RABL2B: variants seen among roughly 807,000 people sequenced by gnomAD.
The protein encoded by RABL2B is RAB, member of RAS oncogene family like 2B.
In RABL2B, 17 loss-of-function variants were observed where a neutral mutation model predicts 26.7. The observed-to-expected ratio is 0.64, with a 90% CI of 0.44 to 0.95. The LOEUF is 0.95. Ranked by LOEUF, RABL2B falls within the 40% of genes least tolerant of loss-of-function variation. The pLI is 0.00. For synonymous variants in RABL2B, 70 were observed against 103.9 expected (o/e 0.67, Z 1.99); for missense variants, 170 against 277.2 (o/e 0.61, Z 2.75).
In RABL2B at chr22:50,777,949, TACAA is replaced by T. The variant is rs782635987; in HGVS notation, c.136_137+2del. The T allele has an allele frequency of 1.3e-5, 21 of 1,614,048 alleles. No homozygotes were observed. The Admixed American group carries it at 3.3e-4, about 26-fold the overall frequency. On this transcript the variant is annotated splice_donor_variant and coding_sequence_variant, in exon 3 of 9. Transcript: ENST00000691320. LOFTEE classifies it high-confidence loss of function. ...AAGGGGTACTTCAAACCTTGAAGGA[TACAA>T]GCCATCCATGAGAAATCTCTCCATG...
In RABL2B at chr22:50,767,530, A is replaced by G. The variant is rs114694975; in HGVS notation, c.*1246T>C. Reference sequence around the variant, plus strand: ...GTTTATGTAATTCAGCCTTTACTGTAAAAAAGGAAACAACAAAAACAAAAC... The same window carrying G: ...GTTTATGTAATTCAGCCTTTACTGTGAAAAAGGAAACAACAAAAACAAAAC... On this transcript the variant is annotated 3_prime_UTR_variant, in exon 9 of 9. Coordinates refer to ENST00000691320, the MANE Select transcript of RABL2B (RefSeq NM_001130919.3). 2,011 of 335,906 alleles carry G rather than the reference A, an allele frequency of 6.0e-3. 41 individuals carry two copies. Among genetic ancestry groups the G allele is most frequent in the African/African-American group, 0.042 (1,882 of 45,266 alleles). The allele number at this position is 335,906 out of a possible 1,614,324, so 20.8% of individuals were successfully genotyped here.
At chr22:50,778,548 T>C (rs1555926153) in intron 2 of RABL2B, among the ~76,000 whole-genome samples, 1 of 152,164 alleles carries the variant, frequency 6.6e-6, no homozygotes, top group African/African-American at 2.4e-5. Context: ...ATGTGGTCAG[T>C]TATCCCGTGA....
chr22:50,774,570 A>G (rs1385881545), intron 5 of RABL2B, among the ~76,000 whole-genome samples: 3 of 148,204 alleles, frequency 2.0e-5, no homozygotes, highest in African/African-American at 7.7e-5. Context: ...GAGTCTTCTT[A>G]GCTGAGACTT....
Position 50,770,238 on chromosome 22 carries a change from C to T in RABL2B, c.298-222G>A, listed in dbSNP as rs1214833119. The T allele has an allele frequency of 7.4e-6, 4 of 540,088 alleles. No individual in the cohort carries two copies. The East Asian group carries it at 1.6e-4, about 22-fold the overall frequency. 33.5% of individuals were successfully genotyped at this position (540,088 alleles called of 1,614,324 possible). On this transcript the variant is annotated intron_variant, in intron 5 of 8. Transcript: ENST00000691320. ...GTTTTTAAAAATCTTATTCTTGGCC[C>T]AGTGCAGTGGCTCACACCTGTAATC...
Position 50,777,935 on chromosome 22 carries a change from C to T in RABL2B, c.137+17G>A, listed in dbSNP as rs1265428245. ...AGACCCACAGGAACAAGGGGTACTT[C>T]AAACCTTGAAGGATACAAGCCATCC... On this transcript the variant is annotated intron_variant, in intron 3 of 8. Transcript: ENST00000691320. The T allele has an allele frequency of 6.2e-7, 1 of 1,614,188 alleles. No homozygotes were observed. Among genetic ancestry groups the T allele is most frequent in the African/African-American group, 1.3e-5 (1 of 75,038 alleles).
intron 1 of RABL2B, 74 bp downstream of exon 1, chr22:50,783,427 C>G (rs1336762609): frequency 6.6e-6 from 1 of 152,236 alleles, no homozygotes; most frequent in Non-Finnish European, 1.5e-5. Context: ...GCCCTCTCGC[C>G]CACACCGCTA....
At position 50,769,917 on chromosome 22, in the gene RABL2B, T is replaced by C. The variant is rs1555917044; in HGVS notation, c.397A>G (p.Asn133Asp). 6.2e-7 allele frequency: 1 copy of C among 1,613,458 alleles called. No homozygotes were observed. The highest frequency in any genetic ancestry group is 1.7e-5 in the Admixed American group (1 of 59,952). ...GGGATGGCCCCACCATCAATTTTAT[T>C]GGCCACCACGATGCATGGGATCTCT... ...RPEIPCIVVA[N>D]KIDADINVTQ... Residue 133 changes from asparagine (N) to aspartate (D), a missense_variant, in exon 6 of 9, where the codon AAT becomes GAT. Around this residue, in one of 2 missense-constraint regions of RABL2B, gnomAD observed 165 missense variants for 232.0 expected, o/e 0.71. Coordinates refer to ENST00000691320, the MANE Select transcript of RABL2B (RefSeq NM_001130919.3).
Position 50,776,737 on chromosome 22 carries a change from C to T in RABL2B, c.150G>A (p.Gln50=). Residue 50 remains glutamine, a synonymous_variant, in exon 4 of 9, where the codon CAG becomes CAA. Transcript: ENST00000691320. ...ACAGGGTCAGGGCGTACGTGGACAG[C>T]TGCTGTGGCTGACTGCACTCAGGTT... ...RFLMDGFQPQ[Q]LSTYALTLYK... 1.2e-6 allele frequency: 2 copies of T among 1,609,738 alleles called. No individual in the cohort carries two copies. The highest frequency in any genetic ancestry group is 2.2e-5 in the East Asian group (1 of 44,698).
intron 5 of RABL2B, among the ~76,000 whole-genome samples, chr22:50,770,849 C>G (rs1276559254): frequency 1.3e-5 from 2 of 150,726 alleles, no homozygotes; most frequent in South Asian, 2.1e-4. Context: ...CTCCTGGGCT[C>G]AAGGAATCCT....
intron 5 of RABL2B, chr22:50,772,805 T>G: frequency 8.7e-7 from 1 of 1,145,704 alleles, no homozygotes; most frequent in Non-Finnish European, 1.1e-6. Context: ...ATGCCTTTTG[T>G]CCAGGTCTGG....
chr22:50,774,377 C>T (rs531495391), intron 5 of RABL2B, among the ~76,000 whole-genome samples: 3 of 151,266 alleles, frequency 2.0e-5, no homozygotes, highest in African/African-American at 4.9e-5. Context: ...TAAGTCCCAC[C>T]GGGTTCTCTT....
chr22:50,779,787 C>T (rs1555927122), intron 2 of RABL2B, among the ~76,000 whole-genome samples: 1 of 152,036 alleles, frequency 6.6e-6, no homozygotes, highest in African/African-American at 2.4e-5. Context: ...AATTCCAGAC[C>T]AACCTGGCCA....
intron 4 of RABL2B, 66 bp from the exon 5 acceptor site, chr22:50,775,917 C>T (rs1485544514): frequency 6.2e-7 from 1 of 1,607,946 alleles, no homozygotes; most frequent in Non-Finnish European, 8.5e-7. Context: ...TAAGATACAA[C>T]ACACATGCGG....
At chr22:50,782,389 T>C in intron 1 of RABL2B, 42 bp from the exon 2 acceptor site, 1 of 1,449,320 alleles carries the variant, frequency 6.9e-7, no homozygotes, top group South Asian at 1.3e-5. Flanking sequence ...CAGAGATAAG[T>C]CCCCTCAACC....
intron 5 of RABL2B, among the ~76,000 whole-genome samples, chr22:50,770,891 A>G (rs1187087764): frequency 2.8e-4 from 39 of 140,102 alleles, no homozygotes; most frequent in African/African-American, 9.6e-4. Context: ...GCACGCACGC[A>G]TTAATTTTTA....
Position 50,767,690 on chromosome 22 carries a change from C to T in RABL2B, c.*1086G>A, listed in dbSNP as rs1465971087. ...GCAGTCCTCAGCCTCCCACAGGAGG[C>T]ACAAGGTCCAAACTATTCCTCAAAA... is the stretch of plus-strand genomic sequence containing the variant. On this transcript the variant is annotated 3_prime_UTR_variant, in exon 9 of 9. Transcript: ENST00000691320. 2.2e-6 allele frequency: 1 copy of T among 450,186 alleles called. No homozygotes were observed. Among genetic ancestry groups the T allele is most frequent in the Non-Finnish European group, 4.5e-6 (1 of 224,284 alleles). 27.9% of individuals were successfully genotyped at this position (450,186 alleles called of 1,614,324 possible). A position where few individuals can be genotyped will look rare whatever the true frequency, so the allele number is the denominator to read the frequency against.
Position 50,767,812 on chromosome 22 carries a change from A to G in RABL2B, c.*964T>C, listed in dbSNP as rs534081864. 6.7e-6 allele frequency: 3 copies of G among 448,900 alleles called. No homozygotes were observed. The highest frequency in any genetic ancestry group is 6.0e-5 in the African/African-American group (3 of 49,598). The allele number at this position is 448,900 out of a possible 1,614,324, so 27.8% of individuals were successfully genotyped here. A position where few individuals can be genotyped will look rare whatever the true frequency, so the allele number is the denominator to read the frequency against. On this transcript the variant is annotated 3_prime_UTR_variant, in exon 9 of 9. Transcript: ENST00000691320. ...CTTGTGGTATGGCTGTAAGGACTCG[A>G]TTTTACGGCTTGTGTATTCCTAACT...
At chr22:50,774,926 C>T (rs1447611253) in intron 5 of RABL2B, among the ~76,000 whole-genome samples, 8 of 151,984 alleles carry the variant, frequency 5.3e-5, no homozygotes, top group Admixed American at 1.3e-4. Flanking sequence ...TACAGGCACC[C>T]GCCACCATGC....
At chr22:50,772,854 G>A in intron 5 of RABL2B, 1 of 1,184,386 alleles carries the variant, frequency 8.4e-7, no homozygotes, top group African/African-American at 1.6e-5. Context: ...GAGCTGAGGA[G>A]GAGCTGGCTA....
Sources: allele counts gnomAD v4.1 joint callset (sites outside exome capture counted in the v4.1 genomes callset), GRCh38; gene constraint gnomAD v4.1.1; regional missense constraint gnomAD v4.1.1; transcripts MANE v1.5; gene names NCBI Gene and HGNC (gene_info 2026-07-23, HGNC 2026-07-21).